Variants in TRAPPC4 observed in about 807,000 individuals in gnomAD.
TRAPPC4 encodes the protein trafficking protein particle complex subunit 4.
In TRAPPC4, 30 loss-of-function variants were observed where a neutral mutation model predicts 23.5. The ratio of observed to expected loss-of-function variants is 1.28; its 90% confidence interval spans 0.96 to 1.73. The LOEUF (loss-of-function observed/expected upper bound fraction) is 1.73, where lower values mean the gene tolerates loss of function less well. Ranked by LOEUF, TRAPPC4 falls within the 40% of genes most tolerant of loss-of-function variation. The pLI is 0.00. For missense variants in TRAPPC4, 252 were observed against 268.9 expected (o/e 0.94, Z 0.44); for synonymous variants, 129 against 105.3 (o/e 1.23, Z -1.38).
intron 4 of TRAPPC4, among the ~76,000 whole-genome samples, chr11:119,022,127 T>G (rs1219230500): frequency 6.6e-6 from 1 of 152,112 alleles, no homozygotes; most frequent in African/African-American, 2.4e-5. Context: ...TGGGATTGGA[T>G]GCATGTGCCA....
chr11:119,019,403 C>G, intron 2 of TRAPPC4, 86 bp downstream of exon 2: 3 of 1,413,654 alleles, frequency 2.1e-6, no homozygotes, highest in Admixed American at 2.0e-5. Context: ...AAAAACGCAA[C>G]CGATCCAGAT....
Position 119,023,428 on chromosome 11 carries a change from TGA to T in TRAPPC4, c.*33_*34del. The T allele has an allele frequency of 6.2e-7, 1 of 1,604,996 alleles. No homozygotes were observed. Among genetic ancestry groups the T allele is most frequent in the Non-Finnish European group, 8.5e-7 (1 of 1,171,902 alleles). ...GAACCTGTTATGGACCCCCAAATTC[TGA>T]GAGTTCCTGCAACAAGAATACTGCT... On this transcript the variant is annotated 3_prime_UTR_variant, in exon 5 of 5. Coordinates refer to ENST00000533632, the MANE Select transcript of TRAPPC4 (RefSeq NM_016146.6).
At chr11:119,022,860 C>T (rs1188260730) in intron 4 of TRAPPC4, 1 of 152,790 alleles carries the variant, frequency 6.5e-6, no homozygotes, top group Non-Finnish European at 1.5e-5. Flanking sequence ...GAGATCGTGC[C>T]ACTGATTCCA....
rs782578203 is a variant in TRAPPC4, at chr11:119,019,318, G to T, written c.350+1G>T. The T allele has an allele frequency of 5.6e-6, 9 of 1,610,460 alleles. No homozygotes were observed. The South Asian group carries it at 8.8e-5, about 16-fold the overall frequency. On this transcript the variant is annotated splice_donor_variant, in intron 2 of 4. Transcript: ENST00000533632. LOFTEE classifies it high-confidence loss of function. ...TTATGCTGGCCTCCATGTTCCACTC[G>T]TAAGTCCCCCGTCTCCTGAACGGCA...
intron 2 of TRAPPC4, 79 bp from the exon 3 acceptor site, chr11:119,020,071 C>T (rs1943305487): frequency 4.0e-6 from 4 of 994,548 alleles, no homozygotes; most frequent in African/African-American, 3.2e-5. Context: ...AATGTGAACT[C>T]CTCAGCAAAT....
rs945625714 is a variant in TRAPPC4, at chr11:119,018,773, A to G, written c.-23A>G. On this transcript the variant is annotated 5_prime_UTR_variant, in exon 1 of 5. Coordinates refer to ENST00000533632, the MANE Select transcript of TRAPPC4 (RefSeq NM_016146.6). ...GGCCGTCGGGTAGAGGCTGAATACC[A>G]GTTTCCGAGCGGCAAGGCAGCGATG... 1.6e-5 allele frequency: 26 copies of G among 1,609,178 alleles called. No homozygotes were observed. The highest frequency in any genetic ancestry group is 2.1e-5 in the Non-Finnish European group (25 of 1,176,070).
chr11:119,020,498 GTTCAAGCGA>G (rs1943327928), intron 3 of TRAPPC4: 1 of 366,640 alleles, frequency 2.7e-6, no homozygotes, highest in African/African-American at 2.1e-5. Flanking sequence ...CGCCCCCTGG[GTTCAAGCGA>G]TTCTCCTGCC....
In TRAPPC4 at chr11:119,018,898, C is replaced by T; in HGVS notation, c.103C>T (p.Pro35Ser). ...RAEAEKTFSYPLDLLLKLHDE... is the reference protein window; with the variant it reads ...RAEAEKTFSYSLDLLLKLHDE... ...TGAGGCTGAGAAAACTTTCAGTTAT[C>T]CGCTGGATCTGCTGCTCAAGCTACA... Residue 35 changes from proline to serine, a missense_variant, in exon 1 of 5, where the codon CCG becomes TCG. Physicochemically the swap from Pro to Ser is moderately conservative, Grantham distance 74 (BLOSUM62 -1). Coordinates refer to ENST00000533632, the MANE Select transcript of TRAPPC4 (RefSeq NM_016146.6). 1 of 1,614,126 alleles carries T rather than the reference C, an allele frequency of 6.2e-7. No homozygotes were observed. The highest frequency in any genetic ancestry group is 1.6e-4 in the Middle Eastern group (1 of 6,062).
rs3802883 is a variant in TRAPPC4 at position 119,019,103 on chromosome 11, C to G, written c.176-40C>G. ...TCCCTTGTCCCCTCGGCGGAATCCC[C>G]GGGCTGCACCTTCGCTGACCGTTAG... is the stretch of plus-strand genomic sequence containing the variant. On this transcript the variant is annotated intron_variant, in intron 1 of 4. Transcript: ENST00000533632. 151,980 of 1,601,496 alleles carry G rather than the reference C, an allele frequency of 0.095. 8,441 individuals carry two copies. Among genetic ancestry groups the G allele is most frequent in the South Asian group, 0.22 (20,036 of 90,312 alleles).
intron 4 of TRAPPC4, chr11:119,022,965 T>TTTG (rs1555189816): frequency 7.3e-6 from 1 of 137,030 alleles, no homozygotes; most frequent in Admixed American, 7.5e-5. Flanking sequence ...ATGTTTTTTT[T>TTTG]TTTTTTTTTT....
chr11:119,019,767 T>C, intron 2 of TRAPPC4: 1 of 198,806 alleles, frequency 5.0e-6, no homozygotes, highest in Non-Finnish European at 1.0e-5. Context: ...TAAAGTCAAC[T>C]TCTCTTCTCT....
chr11:119,023,498 T>C lies in TRAPPC4; in HGVS notation c.*99T>C. 1 of 1,155,724 alleles carries C rather than the reference T, an allele frequency of 8.7e-7. No homozygotes were observed. The allele number at this position is 1,155,724 out of a possible 1,614,324, so 71.6% of individuals were successfully genotyped here. Reference sequence around the variant, plus strand: ...AATCCCAGCAGCCTTGTTAGTGCACTTGAAAGTGGGAGAATGCTGACCCTG... The same window carrying C: ...AATCCCAGCAGCCTTGTTAGTGCACCTGAAAGTGGGAGAATGCTGACCCTG... On this transcript the variant is annotated 3_prime_UTR_variant, in exon 5 of 5. Coordinates refer to ENST00000533632, the MANE Select transcript of TRAPPC4 (RefSeq NM_016146.6).
chr11:119,024,114 C>T lies in TRAPPC4; in HGVS notation c.*715C>T, dbSNP rs1051666300. 2.0e-5 allele frequency: 3 copies of T among 152,388 alleles called. No individual in the cohort carries two copies. Among genetic ancestry groups the T allele is most frequent in the East Asian group, 1.9e-4 (1 of 5,194 alleles). The allele number at this position is 152,388 out of a possible 1,614,324, so 9.4% of individuals were successfully genotyped here. On this transcript the variant is annotated 3_prime_UTR_variant, in exon 5 of 5. Coordinates refer to ENST00000533632, the MANE Select transcript of TRAPPC4 (RefSeq NM_016146.6). ...TCAGTAAACCACTGTTACACTTCTT[C>T]CCTCCATCAAGTTATTTAATCTGTC...
At position 119,021,809 on chromosome 11, in the gene TRAPPC4, T is replaced by C; in HGVS notation, c.504T>C (p.Ser168=). The part of the protein sequence containing the change: ...LADPRQAGID[S]LLRKIYEIYS... Reference sequence around the variant, plus strand: ...ATCCTAGGCAAGCTGGAATAGATTCTCTTCTCCGAAAGATTTATGAGATTT... The same window carrying C: ...ATCCTAGGCAAGCTGGAATAGATTCCCTTCTCCGAAAGATTTATGAGATTT... The change falls in exon 4 of 5, where the codon TCT becomes TCC. Residue 168 remains serine (S), a synonymous_variant. Coordinates refer to ENST00000533632, the MANE Select transcript of TRAPPC4 (RefSeq NM_016146.6). 6.2e-7 allele frequency: 1 copy of C among 1,614,178 alleles called. No individual in the cohort carries two copies. The highest frequency in any genetic ancestry group is 8.5e-7 in the Non-Finnish European group (1 of 1,180,028).
rs942380461 is a variant in TRAPPC4 at position 119,019,566 on chromosome 11, C to T, written c.350+249C>T. ...AAGCGATTCTCCTGCCTCAGCCTCCCGAGTAGCTGGGATTACAGGCGCGTG... is the reference window on the plus strand; with the variant it reads ...AAGCGATTCTCCTGCCTCAGCCTCCTGAGTAGCTGGGATTACAGGCGCGTG... On this transcript the variant is annotated intron_variant, in intron 2 of 4. Transcript: ENST00000533632. 3.4e-5 allele frequency: 15 copies of T among 442,384 alleles called. No individual in the cohort carries two copies. The East Asian group carries it at 5.8e-4, about 17-fold the overall frequency. 27.4% of individuals were successfully genotyped at this position (442,384 alleles called of 1,614,324 possible). A position where few individuals can be genotyped will look rare whatever the true frequency, so the allele number is the denominator to read the frequency against.
At chr11:119,020,424 C>A in intron 3 of TRAPPC4, 171 bp downstream of exon 3, 3 of 546,470 alleles carry the variant, frequency 5.5e-6, no homozygotes, top group Non-Finnish European at 6.6e-6. Flanking sequence ...TTTCCTGGCA[C>A]AATTCTTTTT....
At chr11:119,019,812 T>G in intron 2 of TRAPPC4, 1 of 206,470 alleles carries the variant, frequency 4.8e-6, no homozygotes, top group African/African-American at 2.5e-5. Context: ...AGAAAGCCAG[T>G]TTAACTAAAT....
intron 4 of TRAPPC4, among the ~76,000 whole-genome samples, chr11:119,022,610 C>T (rs1238382093): frequency 6.6e-6 from 1 of 151,446 alleles, no homozygotes; most frequent in African/African-American, 2.4e-5. Flanking sequence ...ACAACAGTAG[C>T]TGGGTGCAGT....
At chr11:119,022,009 A>T (rs1943372626) in intron 4 of TRAPPC4, 123 bp downstream of exon 4, 2 of 1,288,460 alleles carry the variant, frequency 1.6e-6, no homozygotes, top group East Asian at 4.9e-5. Context: ...TTTGAGACGG[A>T]GTTTCGCTCT....
Sources: allele counts gnomAD v4.1 joint callset (sites outside exome capture counted in the v4.1 genomes callset), GRCh38; gene constraint gnomAD v4.1.1; transcripts MANE v1.5; gene names NCBI Gene and HGNC (gene_info 2026-07-23, HGNC 2026-07-21).